Variants in SLC2A13 observed in about 807,000 individuals in gnomAD.
SLC2A13 encodes the protein solute carrier family 2 member 13, also known as proton myo-inositol cotransporter.
SLC2A13 carries 32 observed loss-of-function variants against 64.4 expected under a neutral mutation model. That is an observed-to-expected ratio of 0.50 (90% confidence interval 0.37 to 0.67). The LOEUF is 0.67. SLC2A13 is among the 30% of genes least tolerant of loss of function. The probability of loss-of-function intolerance (pLI) is 0.00; values close to 1 mark genes in which losing one functional copy is unlikely to be tolerated. For missense variants in SLC2A13, 743 were observed against 829.2 expected, an observed-to-expected ratio of 0.90 and a Z score of 1.28; for synonymous variants, 338 against 327.1, an observed-to-expected ratio of 1.03 and a Z score of -0.36.
Position 39,921,791 on chromosome 12 carries a change from T to C in SLC2A13, c.1034+29466A>G, listed in dbSNP as rs540000679. 2.6e-5 allele frequency among the ~76,000 whole-genome samples: 4 copies of C among 152,268 alleles called. No individual in the cohort carries two copies. In the East Asian group the frequency reaches 7.7e-4, roughly 29 times the overall value. On this transcript the variant is annotated intron_variant, in intron 4 of 9. Coordinates refer to ENST00000280871, the MANE Select transcript of SLC2A13 (RefSeq NM_052885.4). ...GAAAATTAAATTACTACATTATAGT[T>C]TAGAATGTAATGTGCCAACATGACT...
At chr12:39,984,107 C>T (rs1946978902) in intron 3 of SLC2A13, among the ~76,000 whole-genome samples, 1 of 151,338 alleles carries the variant, frequency 6.6e-6, no homozygotes, top group Non-Finnish European at 1.5e-5. Context: ...CATATTCTCA[C>T]TCATAGGTGG....
At chr12:40,014,405 A>T (rs2136198522) in intron 3 of SLC2A13, among the ~76,000 whole-genome samples, 1 of 152,334 alleles carries the variant, frequency 6.6e-6, no homozygotes, top group East Asian at 1.9e-4. Flanking sequence ...ATTGAGAGAA[A>T]ATTCACCTAA....
intron 3 of SLC2A13, among the ~76,000 whole-genome samples, chr12:39,953,708 C>T (rs1946271586): frequency 6.6e-6 from 1 of 152,014 alleles, no homozygotes. Flanking sequence ...AAACTAAAAC[C>T]TTTAACCAAC....
At chr12:39,915,243 AC>A (rs1215590335) in intron 4 of SLC2A13, among the ~76,000 whole-genome samples, 1 of 152,038 alleles carries the variant, frequency 6.6e-6, no homozygotes, top group Non-Finnish European at 1.5e-5. Flanking sequence ...TATATTAAAT[AC>A]ATTACATTGT....
At chr12:39,961,113 C>T (rs1946405519) in intron 3 of SLC2A13, among the ~76,000 whole-genome samples, 1 of 144,598 alleles carries the variant, frequency 6.9e-6, no homozygotes, top group South Asian at 2.2e-4. Flanking sequence ...GAGTCTCGCT[C>T]TGTCATCAGG....
chr12:39,932,898 G>T (rs1249924741), intron 4 of SLC2A13, among the ~76,000 whole-genome samples: 2 of 152,048 alleles, frequency 1.3e-5, no homozygotes, highest in Admixed American at 1.3e-4. Flanking sequence ...TGATGGAGAA[G>T]ATGGGGGACA....
chr12:39,799,222 TG>T (rs1941689213), intron 7 of SLC2A13, among the ~76,000 whole-genome samples: 1 of 150,350 alleles, frequency 6.7e-6, no homozygotes, highest in South Asian at 2.1e-4. Flanking sequence ...CTCGAGTAGC[TG>T]GGACTACAGG....
chr12:39,805,892 G>C (rs1288819348), intron 7 of SLC2A13, among the ~76,000 whole-genome samples: 1 of 152,130 alleles, frequency 6.6e-6, no homozygotes, highest in East Asian at 1.9e-4. Flanking sequence ...AGAAAGCTGT[G>C]GGCAGGATTT....
chr12:40,067,235 C>T (rs1392941919), intron 1 of SLC2A13, among the ~76,000 whole-genome samples: 2 of 152,062 alleles, frequency 1.3e-5, no homozygotes, highest in African/African-American at 4.8e-5. Flanking sequence ...TAGGGTCCTT[C>T]GCTGTGCTCA....
intron 1 of SLC2A13, among the ~76,000 whole-genome samples, chr12:40,091,283 T>C (rs1442733773): frequency 6.6e-6 from 1 of 152,210 alleles, no homozygotes; most frequent in Non-Finnish European, 1.5e-5. Flanking sequence ...GATCCTTGAA[T>C]TCCACTTTAT....
chr12:40,062,591 A>C (rs959112234), intron 1 of SLC2A13, among the ~76,000 whole-genome samples: 8 of 152,148 alleles, frequency 5.3e-5, no homozygotes, highest in Admixed American at 2.0e-4. Context: ...CAGAGAAATC[A>C]ATGTCTAAAC....
chr12:40,071,601 T>C (rs1448538879), intron 1 of SLC2A13, among the ~76,000 whole-genome samples: 1 of 152,152 alleles, frequency 6.6e-6, no homozygotes, highest in Admixed American at 6.6e-5. Flanking sequence ...TCTTAAATCT[T>C]TGCTAGAATT....
At chr12:39,886,388 A>T (rs1944467218) in intron 4 of SLC2A13, among the ~76,000 whole-genome samples, 1 of 152,192 alleles carries the variant, frequency 6.6e-6, no homozygotes, top group African/African-American at 2.4e-5. Flanking sequence ...AATTATTAGC[A>T]GACCGGTAGG....
At chr12:39,922,687 T>C (rs1389269737) in intron 4 of SLC2A13, among the ~76,000 whole-genome samples, 1 of 152,222 alleles carries the variant, frequency 6.6e-6, no homozygotes, top group Non-Finnish European at 1.5e-5. Flanking sequence ...TAGCTTTCTG[T>C]CTTGCAAAAC....
intron 5 of SLC2A13, among the ~76,000 whole-genome samples, chr12:39,866,130 A>C (rs1943904471): frequency 6.6e-6 from 1 of 152,272 alleles, no homozygotes; most frequent in Admixed American, 6.5e-5. Context: ...GTAGTAGTTA[A>C]GGTTTTATTA....
chr12:39,877,226 C>T (rs767730894), intron 4 of SLC2A13, among the ~76,000 whole-genome samples: 1 of 152,092 alleles, frequency 6.6e-6, no homozygotes, highest in Non-Finnish European at 1.5e-5. Flanking sequence ...GTTGAATGGA[C>T]TCAGAGTTCC....
At chr12:39,898,733 A>G (rs1328273902) in intron 4 of SLC2A13, among the ~76,000 whole-genome samples, 1 of 152,154 alleles carries the variant, frequency 6.6e-6, no homozygotes, top group Non-Finnish European at 1.5e-5. Flanking sequence ...GCATGTGTTC[A>G]TGGAATGGAA....
At chr12:39,760,589 C>T (rs1432301511) in intron 9 of SLC2A13, among the ~76,000 whole-genome samples, 1 of 151,952 alleles carries the variant, frequency 6.6e-6, no homozygotes, top group Non-Finnish European at 1.5e-5. Flanking sequence ...CCTAAAATAA[C>T]AACCAAGAAA....
intron 7 of SLC2A13, among the ~76,000 whole-genome samples, chr12:39,776,496 T>C (rs889123976): frequency 6.6e-6 from 1 of 152,224 alleles, no homozygotes; most frequent in Non-Finnish European, 1.5e-5. Context: ...TGGTTTATAT[T>C]CTCTGAGAAG....
Sources: allele counts gnomAD v4.1 joint callset (sites outside exome capture counted in the v4.1 genomes callset), GRCh38; gene constraint gnomAD v4.1.1; transcripts MANE v1.5; gene names NCBI Gene and HGNC (gene_info 2026-07-23, HGNC 2026-07-21).